Variants in ANK3 observed in about 807,000 individuals in gnomAD.
ANK3 encodes the protein ankyrin-3.
In ANK3, 57 loss-of-function variants were observed where a neutral mutation model predicts 370.9. That is an observed-to-expected ratio of 0.15 (90% CI 0.12 to 0.19). The LOEUF (loss-of-function observed/expected upper bound fraction) is 0.19, where lower values mean the gene tolerates loss of function less well. ANK3 is among the 10% of genes least tolerant of loss of function. The probability of loss-of-function intolerance (pLI) is 1.00; values close to 1 mark genes in which losing one functional copy is unlikely to be tolerated. For missense variants in ANK3, 4,439 were observed against 5,302.1 expected, an observed-to-expected ratio of 0.84 and a Z score of 5.06; for synonymous variants, 1,929 against 1,946.3, an observed-to-expected ratio of 0.99 and a Z score of 0.23.
At chr10:60,415,928 C>T (rs1555370001) in intron 2 of ANK3, among the ~76,000 whole-genome samples, 1 of 129,502 alleles carries the variant, frequency 7.7e-6, no homozygotes. Flanking sequence ...CCCCCACCCC[C>T]CCGCCATTCA....
At chr10:60,163,930 A>G (rs2095558650) in intron 23 of ANK3, among the ~76,000 whole-genome samples, 1 of 152,180 alleles carries the variant, frequency 6.6e-6, no homozygotes, top group Non-Finnish European at 1.5e-5. Flanking sequence ...GTAGATAGTT[A>G]TACTCACAAC....
At chr10:60,569,366 C>T (rs1475781978) in intron 2 of ANK3, among the ~76,000 whole-genome samples, 1 of 152,144 alleles carries the variant, frequency 6.6e-6, no homozygotes, top group Non-Finnish European at 1.5e-5. Flanking sequence ...ACATGATCCC[C>T]ATTTTATAGA....
At chr10:60,490,090 C>A (rs2075455150) in intron 2 of ANK3, among the ~76,000 whole-genome samples, 1 of 152,142 alleles carries the variant, frequency 6.6e-6, no homozygotes, top group South Asian at 2.1e-4. Context: ...AATCAGAGCG[C>A]ATATGTAGGA....
At chr10:60,042,548 G>A in intron 43 of ANK3, 124 bp downstream of exon 43, 1 of 985,856 alleles carries the variant, frequency 1.0e-6, no homozygotes, top group East Asian at 2.5e-5. Context: ...CTTCGTATTT[G>A]ATTTTCAAAG....
At chr10:60,667,446 T>C (rs1005573570) in intron 1 of ANK3, among the ~76,000 whole-genome samples, 6 of 152,050 alleles carry the variant, frequency 3.9e-5, no homozygotes, top group African/African-American at 1.4e-4. Context: ...CAAGTTTTGC[T>C]AAACACAATG....
intron 2 of ANK3, among the ~76,000 whole-genome samples, chr10:60,488,866 G>T (rs2075418010): frequency 6.6e-6 from 1 of 152,178 alleles, no homozygotes; most frequent in Non-Finnish European, 1.5e-5. Flanking sequence ...TATGTTACTG[G>T]AGGATGTTAA....
At chr10:60,100,709 C>T (rs1357603862) in intron 28 of ANK3, among the ~76,000 whole-genome samples, 7 of 152,248 alleles carry the variant, frequency 4.6e-5, no homozygotes, top group Non-Finnish European at 8.8e-5. Context: ...ACTTCAGCAA[C>T]ATTTTGTTCC....
intron 27 of ANK3, among the ~76,000 whole-genome samples, chr10:60,107,042 G>C (rs893923471): frequency 3.3e-5 from 5 of 152,128 alleles, no homozygotes; most frequent in African/African-American, 1.2e-4. Context: ...AAAAGGGATA[G>C]TAGTTGTAAT....
intron 2 of ANK3, among the ~76,000 whole-genome samples, chr10:60,546,459 C>CTGAAA (rs1567135193): frequency 6.6e-6 from 1 of 152,122 alleles, no homozygotes; most frequent in African/African-American, 2.4e-5. Context: ...CAGCTTATCA[C>CTGAAA]TGAAATTAAA....
intron 2 of ANK3, among the ~76,000 whole-genome samples, chr10:60,613,199 T>C (rs1202772488): frequency 6.6e-6 from 1 of 152,234 alleles, no homozygotes; most frequent in Non-Finnish European, 1.5e-5. Context: ...GATATAAATT[T>C]CTAAAACATA....
intron 2 of ANK3, among the ~76,000 whole-genome samples, chr10:60,461,398 T>C (rs1445140646): frequency 6.6e-6 from 1 of 152,176 alleles, no homozygotes; most frequent in Non-Finnish European, 1.5e-5. Flanking sequence ...TACATATAAC[T>C]GGATCAAAAT....
chr10:60,198,601 A>C (rs2096622870), intron 13 of ANK3, 64 bp from the exon 14 acceptor site: 4 of 1,466,532 alleles, frequency 2.7e-6, no homozygotes, highest in Non-Finnish European at 1.9e-6. Context: ...TTTATGAAAA[A>C]TTCAGGGAAT....
In ANK3 at chr10:60,473,966, C is replaced by CAAA. The variant is rs139841930; in HGVS notation, c.96+141217_96+141219dup. 1.3e-3 allele frequency among the ~76,000 whole-genome samples: 121 copies of CAAA among 92,634 alleles called. 4 individuals carry two copies. In the East Asian group the frequency reaches 0.02, roughly 15 times the overall value. The allele number at this position is 92,634 out of a possible 152,430, so 60.8% of individuals were successfully genotyped here. On this transcript the variant is annotated intron_variant, in intron 2 of 43. Transcript: ENST00000373827. ...GCAATAAAATGAGACCCTGTTTCTA[C>CAAA]AAAAAAAAAAAAAAAAAAAAGCCAA...
Position 60,074,055 on chromosome 10 carries a change from T to A in ANK3, c.6826A>T (p.Ile2276Phe). ...RIEETMSVHD[I>F]MKAFQSGRDP... ...CGCCCGGACTGAAAGGCCTTCATGATGTCATGGACTGACATGGTTTCTTCA... is the reference window on the plus strand; with the variant it reads ...CGCCCGGACTGAAAGGCCTTCATGAAGTCATGGACTGACATGGTTTCTTCA... The change falls in exon 37 of 44, where the codon ATC (isoleucine) becomes TTC (phenylalanine). Residue 2276 changes from isoleucine to phenylalanine, a missense_variant. Physicochemically the swap from Ile to Phe is conservative, Grantham distance 21. Transcript: ENST00000280772. The A allele has an allele frequency of 1.2e-6, 2 of 1,614,150 alleles. No individual in the cohort carries two copies. Among genetic ancestry groups the A allele is most frequent in the Non-Finnish European group, 1.7e-6 (2 of 1,180,004 alleles).
chr10:60,241,041 C>A (rs1284067741), intron 7 of ANK3, among the ~76,000 whole-genome samples: 1 of 152,180 alleles, frequency 6.6e-6, no homozygotes, highest in East Asian at 1.9e-4. Context: ...CAGCCCACTA[C>A]CACCATCTGT....
At chr10:60,140,632 G>A (rs1039632167) in intron 23 of ANK3, 4 of 1,388,870 alleles carry the variant, frequency 2.9e-6, no homozygotes, top group Non-Finnish European at 3.7e-6. Context: ...ACTTAATTGA[G>A]GTTAAGATCC....
chr10:60,160,448 G>A (rs1410056501), intron 23 of ANK3, among the ~76,000 whole-genome samples: 3 of 152,030 alleles, frequency 2.0e-5, no homozygotes, highest in Admixed American at 6.6e-5. Context: ...AGGACCTGAT[G>A]GCTTTACTGC....
intron 1 of ANK3, among the ~76,000 whole-genome samples, chr10:60,308,608 C>T (rs1347859603): frequency 6.6e-6 from 1 of 152,018 alleles, no homozygotes; most frequent in East Asian, 1.9e-4. Context: ...TTGTTGGGAC[C>T]ATGAGGTCAA....
intron 1 of ANK3, among the ~76,000 whole-genome samples, chr10:60,374,809 C>G (rs886468858): frequency 3.3e-5 from 5 of 152,004 alleles, no homozygotes; most frequent in African/African-American, 4.8e-5. Context: ...TTCGTTGGTA[C>G]TTTTGGTACA....
Sources: gnomAD v4.1 joint callset for allele counts (sites outside exome capture counted in the v4.1 genomes callset) on GRCh38, gnomAD v4.1.1 for gene constraint, MANE v1.5 for transcripts, NCBI Gene and HGNC (gene_info 2026-07-23, HGNC 2026-07-21) for gene names.